Variants in TBC1D19 observed in about 807,000 individuals in gnomAD.
TBC1D19 encodes TBC1 domain family member 19.
In TBC1D19, 60 loss-of-function variants were observed where a neutral mutation model predicts 89.0. That is an observed-to-expected ratio of 0.67 (90% CI 0.55 to 0.84). The LOEUF is 0.84. Ranked by LOEUF, TBC1D19 falls within the 40% of genes least tolerant of loss-of-function variation. TBC1D19 has a pLI of 0.00. For synonymous variants in TBC1D19, 189 were observed against 199.7 expected (o/e 0.95, Z 0.45); for missense variants, 500 against 610.8 (o/e 0.82, Z 1.91).
chr4:26,734,990 A>ATATGTATACACATATGTATATGTG (rs1717913491), intron 15 of TBC1D19, among the ~76,000 whole-genome samples: 1 of 78,812 alleles, frequency 1.3e-5, no homozygotes, highest in Non-Finnish European at 3.2e-5. Flanking sequence ...ATGTATATGT[A>ATATGTATACACATATGTATATGTG]TATATGTATA....
chr4:26,789,789 G>A, the TBC1D19 span, among the ~76,000 whole-genome samples: 8 of 152,118 alleles, frequency 5.3e-5, no homozygotes, highest in Admixed American at 2.6e-4. Context: ...ATGAGTCAAA[G>A]TGTTCATCAA....
rs1267413762 is a variant in TBC1D19, at chr4:26,659,695, C to T, written c.579C>T (p.Asp193=). Residue 193 remains aspartate (D), a synonymous_variant, in exon 8 of 21, where the codon GAC becomes GAT. Coordinates refer to ENST00000264866, the MANE Select transcript of TBC1D19 (RefSeq NM_018317.4). ...GLIQVPLKVK[D]IPELKECFVE... is the part of the protein sequence containing the mutation. ...TTCAAGTTCCACTGAAAGTAAAAGACATCCCTGAATTGGTAAGTATAGAAA... is the reference window on the plus strand; with the variant it reads ...TTCAAGTTCCACTGAAAGTAAAAGATATCCCTGAATTGGTAAGTATAGAAA... The T allele has an allele frequency of 6.3e-7, 1 of 1,577,210 alleles. No homozygotes were observed. Among genetic ancestry groups the T allele is most frequent in the East Asian group, 2.3e-5 (1 of 44,374 alleles).
At chr4:26,753,782 G>A (rs1483382839) in intron 19 of TBC1D19, 38 bp from the exon 20 acceptor site, 2 of 1,612,364 alleles carry the variant, frequency 1.2e-6, no homozygotes, top group Admixed American at 3.3e-5. Context: ...GGGCTGATGA[G>A]TAGGCCAGCA....
intron 13 of TBC1D19, among the ~76,000 whole-genome samples, chr4:26,706,025 G>GCCGCAATTCTCTTT (rs1027953986): frequency 2.0e-5 from 3 of 152,034 alleles, no homozygotes; most frequent in Non-Finnish European, 2.9e-5. Flanking sequence ...CAATTCTCTT[G>GCCGCAATTCTCTTT]CCTCAACTCT....
chr4:26,810,726 G>A, the TBC1D19 span, among the ~76,000 whole-genome samples: 2 of 152,034 alleles, frequency 1.3e-5, no homozygotes, highest in African/African-American at 2.4e-5. Context: ...CCAAGTCTGG[G>A]TCGCACGTCC....
intron 1 of TBC1D19, among the ~76,000 whole-genome samples, chr4:26,612,929 T>C (rs531524944): frequency 6.6e-6 from 1 of 152,140 alleles, no homozygotes; most frequent in Non-Finnish European, 1.5e-5. Flanking sequence ...GTTTGTATAG[T>C]TTTAGTAGAC....
Position 26,659,506 on chromosome 4 carries a change from G to T in TBC1D19, c.481-91G>T, listed in dbSNP as rs953266346. 4.4e-6 allele frequency: 3 copies of T among 680,610 alleles called. No individual in the cohort carries two copies. The African/African-American group carries it at 5.3e-5, about 12-fold the overall frequency. 42.2% of individuals were successfully genotyped at this position (680,610 alleles called of 1,614,324 possible). On this transcript the variant is annotated intron_variant, in intron 7 of 20. Coordinates refer to ENST00000264866, the MANE Select transcript of TBC1D19 (RefSeq NM_018317.4). ...CATCACCCAAATAGTAATTAATTTT[G>T]TGGTGATACACTAAGAATATCCCTG...
At chr4:26,796,390 A>C in the TBC1D19 span, among the ~76,000 whole-genome samples, 1 of 152,218 alleles carries the variant, frequency 6.6e-6, no homozygotes. Flanking sequence ...GTGAAAAATG[A>C]CATCTTAGCA....
intron 13 of TBC1D19, among the ~76,000 whole-genome samples, chr4:26,693,207 C>T (rs1353302250): frequency 6.6e-6 from 1 of 150,912 alleles, no homozygotes; most frequent in African/African-American, 2.4e-5. Context: ...CTCTGAAGTA[C>T]ATCAGAGGCT....
the TBC1D19 span, among the ~76,000 whole-genome samples, chr4:26,853,334 C>T: frequency 3.3e-5 from 5 of 151,972 alleles, no homozygotes; most frequent in African/African-American, 9.7e-5. Flanking sequence ...TTATCTCCCC[C>T]CTTCCAGCTC....
intron 4 of TBC1D19, among the ~76,000 whole-genome samples, chr4:26,631,348 A>G (rs1205522088): frequency 6.6e-6 from 1 of 151,978 alleles, no homozygotes; most frequent in Non-Finnish European, 1.5e-5. Context: ...GTCCCATATT[A>G]TTTGTATATC....
intron 13 of TBC1D19, among the ~76,000 whole-genome samples, chr4:26,702,933 C>T (rs1363501125): frequency 1.3e-5 from 2 of 152,178 alleles, no homozygotes; most frequent in Admixed American, 6.5e-5. Flanking sequence ...TTAGATACCT[C>T]ATGTAGTAGA....
the TBC1D19 span, among the ~76,000 whole-genome samples, chr4:26,810,046 C>A: frequency 1.3e-5 from 2 of 152,220 alleles, no homozygotes. Context: ...CTCCTTCTTG[C>A]CCTCACACAG....
intron 1 of TBC1D19, among the ~76,000 whole-genome samples, chr4:26,589,200 G>C (rs532524493): frequency 2.0e-5 from 3 of 152,014 alleles, no homozygotes; most frequent in Admixed American, 1.3e-4. Flanking sequence ...GCTTGAACCC[G>C]GGAGGTGGAG....
At chr4:26,778,151 C>G in the TBC1D19 span, among the ~76,000 whole-genome samples, 1 of 151,610 alleles carries the variant, frequency 6.6e-6, no homozygotes, top group Non-Finnish European at 1.5e-5. Flanking sequence ...CACAGTGGCT[C>G]ATGCCTGTAA....
chr4:26,825,761 C>T, the TBC1D19 span, among the ~76,000 whole-genome samples: 2 of 152,176 alleles, frequency 1.3e-5, no homozygotes, highest in Non-Finnish European at 1.5e-5. Flanking sequence ...ATCTCTGTGC[C>T]TCATTTTTCT....
the TBC1D19 span, among the ~76,000 whole-genome samples, chr4:26,822,566 G>GA: frequency 6.6e-6 from 1 of 152,098 alleles, no homozygotes; most frequent in Admixed American, 6.5e-5. Flanking sequence ...AGCCCAAGAG[G>GA]AAAAAAGGCT....
chr4:26,792,740 G>T, the TBC1D19 span, among the ~76,000 whole-genome samples: 1 of 152,306 alleles, frequency 6.6e-6, no homozygotes, highest in East Asian at 1.9e-4. Flanking sequence ...TCCCCCAGAA[G>T]AAACATACTG....
chr4:26,836,529 A>G, the TBC1D19 span, among the ~76,000 whole-genome samples: 4 of 152,266 alleles, frequency 2.6e-5, no homozygotes, highest in East Asian at 7.7e-4. Context: ...CTGCCTTTCT[A>G]TATTATGCTC....
Sources: gnomAD v4.1 joint callset for allele counts (sites outside exome capture counted in the v4.1 genomes callset) on GRCh38, gnomAD v4.1.1 for gene constraint, MANE v1.5 for transcripts, NCBI Gene and HGNC (gene_info 2026-07-23, HGNC 2026-07-21) for gene names.